The following FER variants were observed in gnomAD, a reference collection of about 807,000 sequenced individuals.
FER encodes tyrosine-protein kinase Fer.
In FER, 63 loss-of-function variants were observed where a neutral mutation model predicts 111.0. The ratio of observed to expected loss-of-function variants is 0.57; its 90% CI spans 0.46 to 0.70. The LOEUF (loss-of-function observed/expected upper bound fraction) is 0.70. Among genes scored for constraint, FER ranks in the 30% least tolerant of loss-of-function variants. The pLI, the probability that FER is intolerant of heterozygous loss-of-function variation, is 0.00. For synonymous variants in FER, 327 were observed against 313.9 expected, an observed-to-expected ratio of 1.04 and a Z score of -0.44; for missense variants, 914 against 954.0, an observed-to-expected ratio of 0.96 and a Z score of 0.55.
intron 10 of FER, among the ~76,000 whole-genome samples, chr5:108,910,889 A>G (rs564878424): frequency 2.0e-5 from 3 of 152,164 alleles, no homozygotes; most frequent in East Asian, 1.9e-4. Flanking sequence ...CCAATCAACT[A>G]TTGGTGGATA....
intron 3 of FER, among the ~76,000 whole-genome samples, chr5:108,805,704 C>T (rs1401299947): frequency 6.6e-6 from 1 of 152,016 alleles, no homozygotes; most frequent in Non-Finnish European, 1.5e-5. Context: ...GGAATTTTGC[C>T]CCTGCCCTAG....
Position 108,835,641 on chromosome 5 carries a change from A to G in FER, c.382-67A>G, listed in dbSNP as rs557718865. ...AATACACATCAGTTAATACTTTGGA[A>G]TTTAAGTTCTTGAGCAATTTAAATT... On this transcript the variant is annotated intron_variant, in intron 4 of 19. Transcript: ENST00000281092. The G allele has an allele frequency of 8.6e-5, 91 of 1,057,254 alleles. No homozygotes were observed. In the African/African-American group the frequency reaches 1.3e-3, roughly 15 times the overall value. The allele number at this position is 1,057,254 out of a possible 1,614,324, so 65.5% of individuals were successfully genotyped here.
chr5:108,925,024 T>C (rs1753545084), intron 10 of FER, among the ~76,000 whole-genome samples: 1 of 152,090 alleles, frequency 6.6e-6, no homozygotes, highest in East Asian at 1.9e-4. Context: ...TTATTTCATT[T>C]GTTTCCTTAA....
intron 5 of FER, among the ~76,000 whole-genome samples, chr5:108,848,936 AT>A (rs200641964): frequency 1.3e-5 from 2 of 151,442 alleles, no homozygotes; most frequent in Admixed American, 1.3e-4. Context: ...GGAGTATAGA[AT>A]TTTTTTTTAA....
intron 5 of FER, among the ~76,000 whole-genome samples, chr5:108,862,657 A>G (rs1456948741): frequency 6.6e-6 from 1 of 152,226 alleles, no homozygotes; most frequent in African/African-American, 2.4e-5. Context: ...ACTCAAATAC[A>G]CTTGCATGGT....
At position 108,945,463 on chromosome 5, in the gene FER, T is replaced by C. The variant is rs184787246; in HGVS notation, c.1237-667T>C. On this transcript the variant is annotated intron_variant, in intron 10 of 19. Transcript: ENST00000281092. Reference sequence around the variant, plus strand: ...AGGAAAAGTTTCCTTCATTATGGTATATGATATTCAGAAATACACATTGTG... The same window carrying C: ...AGGAAAAGTTTCCTTCATTATGGTACATGATATTCAGAAATACACATTGTG... Among the ~76,000 whole-genome samples, 589 of 152,238 alleles carry C rather than the reference T, an allele frequency of 3.9e-3. 2 individuals are homozygous for C. Among genetic ancestry groups the C allele is most frequent in the African/African-American group, 0.013 (547 of 41,556 alleles).
chr5:109,103,131 A>G lies in FER; in HGVS notation c.2048+2612A>G, dbSNP rs568457381. ...CCTTTAGTTTTTCAGGTAATGAGGA[A>G]AGGTTCTAAGTCTCATTTTTATATG... is the stretch of plus-strand genomic sequence containing the variant. On this transcript the variant is annotated intron_variant, in intron 17 of 19. Coordinates refer to ENST00000281092, the MANE Select transcript of FER (RefSeq NM_005246.4). 5.8e-4 allele frequency among the ~76,000 whole-genome samples: 89 copies of G among 152,262 alleles called. No homozygotes were observed. In the South Asian group the frequency reaches 0.018, roughly 30 times the overall value.
intron 17 of FER, among the ~76,000 whole-genome samples, chr5:109,153,755 G>C (rs532086087): frequency 6.6e-6 from 1 of 151,942 alleles, no homozygotes; most frequent in East Asian, 1.9e-4. Context: ...GTGATGTATA[G>C]CTAGTAATAA....
chr5:108,838,048 ACTTTT>A (rs1182920897), intron 5 of FER, among the ~76,000 whole-genome samples: 1 of 152,168 alleles, frequency 6.6e-6, no homozygotes, highest in African/African-American at 2.4e-5. Context: ...AGATAGGTAA[ACTTTT>A]CTTTTATAAT....
chr5:109,181,828 A>G lies in FER; in HGVS notation c.2203+927A>G, dbSNP rs183950385. ...CATTTAGTACAGTTCACAATGTTGTATAACCAGTACCTCTAGTTTCAAAAC... is the reference window on the plus strand; with the variant it reads ...CATTTAGTACAGTTCACAATGTTGTGTAACCAGTACCTCTAGTTTCAAAAC... On this transcript the variant is annotated intron_variant, in intron 18 of 19. Transcript: ENST00000281092. Among the ~76,000 whole-genome samples the G allele has an allele frequency of 2.1e-3, 320 of 152,340 alleles. 1 individual carries two copies. The highest frequency in any genetic ancestry group is 7.3e-3 in the African/African-American group (304 of 41,588).
chr5:109,005,590 A>G (rs553288166), intron 13 of FER, among the ~76,000 whole-genome samples: 1 of 152,382 alleles, frequency 6.6e-6, no homozygotes, highest in East Asian at 1.9e-4. Context: ...TCTAGTAAAT[A>G]TAGAAAACAA....
rs1271166654 is a variant in FER, at chr5:108,773,273, A to G, written c.-60+5035A>G. ...AACATGTGCCATGGTGGTTCGCTGC[A>G]CAGATCATCCCATCACCTAGGTATT... On this transcript the variant is annotated intron_variant, in intron 2 of 19. Transcript: ENST00000281092. Among the ~76,000 whole-genome samples the G allele has an allele frequency of 2.0e-5, 3 of 152,204 alleles. No homozygotes were observed. The East Asian group carries it at 5.8e-4, about 29-fold the overall frequency.
chr5:108,796,527 A>C (rs188948364), intron 2 of FER, among the ~76,000 whole-genome samples: 43 of 152,272 alleles, frequency 2.8e-4, no homozygotes, highest in Non-Finnish European at 1.9e-4. Context: ...AGTAGAGTCA[A>C]AACCTTAGAA....
chr5:109,105,294 TTTTA>T (rs1161660061), intron 17 of FER, among the ~76,000 whole-genome samples: 36 of 150,948 alleles, frequency 2.4e-4, no homozygotes, highest in Non-Finnish European at 3.8e-4. Flanking sequence ...AGACTTCATA[TTTTA>T]TTAAGTAAAA....
chr5:108,764,621 T>C (rs929493481), intron 1 of FER, among the ~76,000 whole-genome samples: 5 of 152,306 alleles, frequency 3.3e-5, no homozygotes, highest in Middle Eastern at 3.4e-3. Flanking sequence ...GATCTTGAAC[T>C]CCTGACCTCA....
chr5:109,027,941 A>T (rs1483805577), intron 13 of FER, among the ~76,000 whole-genome samples: 1 of 152,212 alleles, frequency 6.6e-6, no homozygotes, highest in East Asian at 1.9e-4. Flanking sequence ...TGTGGGATTT[A>T]CATAGTGTTT....
chr5:108,795,288 G>A (rs2150036609), intron 2 of FER, among the ~76,000 whole-genome samples: 1 of 152,196 alleles, frequency 6.6e-6, no homozygotes, highest in South Asian at 2.1e-4. Flanking sequence ...TTGTGCCACT[G>A]TACTCTAGCC....
chr5:108,922,078 G>A lies in FER; in HGVS notation c.1237-24052G>A, dbSNP rs73209327. Among the ~76,000 whole-genome samples, 297 of 152,278 alleles carry A rather than the reference G, an allele frequency of 2.0e-3. 3 individuals carry two copies. Among genetic ancestry groups the A allele is most frequent in the African/African-American group, 6.8e-3 (283 of 41,550 alleles). ...AGACAGCCATGAGAAGACAGAGGCA[G>A]ATATTGGAATTATGCTATCACAAGC... On this transcript the variant is annotated intron_variant, in intron 10 of 19. Coordinates refer to ENST00000281092, the MANE Select transcript of FER (RefSeq NM_005246.4).
rs1759018435 is a variant in FER at position 109,187,529 on chromosome 5, GT to G, written c.2424del (p.Ser808ArgfsTer62). 8 of 1,613,962 alleles carry G rather than the reference GT, an allele frequency of 5.0e-6. No individual in the cohort carries two copies. The highest frequency in any genetic ancestry group is 6.8e-6 in the Non-Finnish European group (8 of 1,180,008). ...AAACCTGAAAATCGCCCTAAGTTCA[GT>G]GAACTTCAGAAAGAGCTCACTATCA... is the stretch of plus-strand genomic sequence containing the variant. Reference protein sequence around the residue: ...DYKPENRPKFSELQKELTIIK... With the variant: ...DYKPENRPKFXELQKELTIIK... On this transcript the variant is annotated frameshift_variant, in exon 20 of 20. Coordinates refer to ENST00000281092, the MANE Select transcript of FER (RefSeq NM_005246.4). LOFTEE classifies it high-confidence loss of function.
Sources: allele counts gnomAD v4.1 joint callset (sites outside exome capture counted in the v4.1 genomes callset), GRCh38; gene constraint gnomAD v4.1.1; transcripts MANE v1.5; gene names NCBI Gene and HGNC (gene_info 2026-07-23, HGNC 2026-07-21).